Variants in REPS1 observed in about 807,000 individuals in gnomAD.
The protein encoded by REPS1 is RALBP1 associated Eps domain containing 1, also known as ralBP1-associated Eps domain-containing protein 1.
In REPS1, 39 loss-of-function variants were observed where a neutral mutation model predicts 100.9. That is an observed-to-expected ratio of 0.39 (90% CI 0.30 to 0.50). The LOEUF is 0.50. REPS1 is among the 20% of genes least tolerant of loss of function. REPS1 has a pLI of 0.86. For synonymous variants in REPS1, 324 were observed against 340.3 expected (o/e 0.95, Z 0.53); for missense variants, 821 against 968.5 (o/e 0.85, Z 2.02).
At chr6:138,972,234 G>A (rs921508326) in intron 1 of REPS1, among the ~76,000 whole-genome samples, 3 of 152,094 alleles carry the variant, frequency 2.0e-5, no homozygotes, top group East Asian at 1.9e-4. Context: ...AAAGGGGGGC[G>A]GAATAAGCAC....
chr6:138,971,301 T>C (rs1011806405), intron 1 of REPS1, among the ~76,000 whole-genome samples: 5 of 152,182 alleles, frequency 3.3e-5, no homozygotes, highest in Non-Finnish European at 7.4e-5. Flanking sequence ...TAGTACAATC[T>C]GTAATTCTGA....
chr6:138,947,189 T>G (rs1582801504), intron 2 of REPS1, among the ~76,000 whole-genome samples: 1 of 152,196 alleles, frequency 6.6e-6, no homozygotes, highest in African/African-American at 2.4e-5. Flanking sequence ...CTCTTGTTTA[T>G]ACATTACCCA....
rs924130775 is a variant in REPS1 at position 138,924,444 on chromosome 6, A to G, written c.1338+1957T>C. 4.6e-5 allele frequency among the ~76,000 whole-genome samples: 7 copies of G among 152,162 alleles called. No individual in the cohort carries two copies. In the East Asian group the frequency reaches 9.6e-4, roughly 21 times the overall value. ...TAATATCACTGCTACTCAACCAACTATTTCTCTACATTTCCTGTCAGTCGT... is the reference window on the plus strand; with the variant it reads ...TAATATCACTGCTACTCAACCAACTGTTTCTCTACATTTCCTGTCAGTCGT... On this transcript the variant is annotated intron_variant, in intron 10 of 19. Transcript: ENST00000450536.
At chr6:138,942,794 A>G (rs1356118419) in intron 7 of REPS1, among the ~76,000 whole-genome samples, 1 of 152,018 alleles carries the variant, frequency 6.6e-6, no homozygotes, top group Non-Finnish European at 1.5e-5. Flanking sequence ...TCGTTCTGTC[A>G]CCCTGGCTGG....
intron 10 of REPS1, among the ~76,000 whole-genome samples, chr6:138,923,406 C>T (rs1003672290): frequency 6.6e-6 from 1 of 152,100 alleles, no homozygotes; most frequent in East Asian, 1.9e-4. Context: ...TTCTTAGATG[C>T]TTTAATTCAT....
At chr6:138,941,990 T>C (rs1782289564) in intron 7 of REPS1, among the ~76,000 whole-genome samples, 1 of 152,180 alleles carries the variant, frequency 6.6e-6, no homozygotes, top group Admixed American at 6.5e-5. Flanking sequence ...GTGATTCCCT[T>C]GCCTCAGCTT....
rs778144522 is a variant in REPS1 at position 138,981,972 on chromosome 6, AAAGT to A, written c.153+5554_153+5557del. ...GAAACTCAAGAAGACAGAAATTTTA[AAAGT>A]AAATAAATAGGACACTACAGAAACA... On this transcript the variant is annotated intron_variant, in intron 1 of 19. Coordinates refer to ENST00000450536, the MANE Select transcript of REPS1 (RefSeq NM_001286611.2). Among the ~76,000 whole-genome samples the A allele has an allele frequency of 2.6e-5, 4 of 152,366 alleles. No individual in the cohort carries two copies. In the East Asian group the frequency reaches 7.7e-4, roughly 29 times the overall value.
At chr6:138,959,516 T>C (rs891078220) in intron 1 of REPS1, among the ~76,000 whole-genome samples, 2 of 152,332 alleles carry the variant, frequency 1.3e-5, no homozygotes, top group South Asian at 4.1e-4. Flanking sequence ...TTTCAGTCAT[T>C]AATAGGTTAA....
At chr6:138,955,147 C>T (rs564816334) in intron 1 of REPS1, among the ~76,000 whole-genome samples, 86 of 152,146 alleles carry the variant, frequency 5.7e-4, no homozygotes, top group African/African-American at 2.0e-3. Flanking sequence ...ATGGAATATG[C>T]TTTAAATATA....
chr6:138,925,707 A>T (rs1435709470), intron 10 of REPS1, among the ~76,000 whole-genome samples: 1 of 152,138 alleles, frequency 6.6e-6, no homozygotes, highest in East Asian at 1.9e-4. Context: ...AAAAGCAGAG[A>T]AGTGAACAGG....
chr6:138,915,900 A>G lies in REPS1; in HGVS notation c.1678T>C (p.Ser560Pro), dbSNP rs1286593894. The G allele has an allele frequency of 5.6e-6, 9 of 1,613,902 alleles. No homozygotes were observed. In the Admixed American group the frequency reaches 8.3e-5, roughly 15 times the overall value. Residue 560 changes from serine to proline, a missense_variant, in exon 14 of 20, where the codon TCA becomes CCA. Physicochemically the swap from Ser to Pro is moderately conservative, Grantham distance 74. Around this residue, in one of 3 missense-constraint regions of REPS1, gnomAD observed 757 missense variants for 866.4 expected, o/e 0.87. Transcript: ENST00000450536. Reference sequence around the variant, plus strand: ...GTCCGATTCATATCTAAAGATGATGATCTAGAATGAGAGGGCTGTGGCCTT... The same window carrying G: ...GTCCGATTCATATCTAAAGATGATGGTCTAGAATGAGAGGGCTGTGGCCTT... ...PPRPQPSHSR[S>P]SSLDMNRTFT...
intron 1 of REPS1, among the ~76,000 whole-genome samples, chr6:138,971,446 AG>A (rs1282512419): frequency 7.2e-5 from 11 of 151,736 alleles, no homozygotes; most frequent in African/African-American, 2.7e-4. Flanking sequence ...GGAACTCTGT[AG>A]AAGTTTTGCC....
At chr6:138,916,652 T>C (rs1014051700) in intron 13 of REPS1, among the ~76,000 whole-genome samples, 1 of 152,212 alleles carries the variant, frequency 6.6e-6, no homozygotes, top group Non-Finnish European at 1.5e-5. Flanking sequence ...CTTTCAGATA[T>C]GGTTAGCTTT....
Position 138,988,028 on chromosome 6 carries a change from G to T in REPS1, c.-346C>A, listed in dbSNP as rs1044808444. 1.3e-5 allele frequency: 5 copies of T among 396,772 alleles called. No homozygotes were observed. The highest frequency in any genetic ancestry group is 2.2e-5 in the Non-Finnish European group (5 of 224,888). The allele number at this position is 396,772 out of a possible 1,614,324, so 24.6% of individuals were successfully genotyped here. On this transcript the variant is annotated 5_prime_UTR_variant, in exon 1 of 20. Transcript: ENST00000450536. The stretch of plus-strand genomic sequence containing the variant: ...CGAGGCACTGGCGGACTCCGCCCCC[G>T]CCGCGGGTTCGAGTCTCCCCGGCTC...
intron 1 of REPS1, among the ~76,000 whole-genome samples, chr6:138,973,726 A>G (rs1455869225): frequency 5.9e-5 from 9 of 151,970 alleles, no homozygotes; most frequent in African/African-American, 2.2e-4. Context: ...AAATAGAGAT[A>G]ATAAACTGTA....
intron 1 of REPS1, among the ~76,000 whole-genome samples, chr6:138,967,397 AAT>A (rs1784084858): frequency 6.6e-6 from 1 of 152,228 alleles, no homozygotes; most frequent in Admixed American, 6.5e-5. Flanking sequence ...TGGTTATTTA[AAT>A]ATGATTATGA....
chr6:138,935,856 CGG>C (rs1449985583), intron 8 of REPS1, among the ~76,000 whole-genome samples: 553 of 2,188 alleles, frequency 0.25, 58 homozygotes, highest in African/African-American at 0.45. Flanking sequence ...TCCATCTTGG[CGG>C]GGGGGGGGGG....
intron 2 of REPS1, among the ~76,000 whole-genome samples, chr6:138,946,401 C>G (rs1363743361): frequency 2.6e-5 from 4 of 152,148 alleles, no homozygotes; most frequent in African/African-American, 9.7e-5. Flanking sequence ...ATAAGTGATA[C>G]TTTTAGACCA....
chr6:138,987,401 T>G, intron 1 of REPS1, 129 bp downstream of exon 1: 1 of 1,037,902 alleles, frequency 9.6e-7, no homozygotes, highest in Non-Finnish European at 1.3e-6. Flanking sequence ...CTGCGGCCCC[T>G]GCCCGCTGCG....
Sources: gnomAD v4.1 joint callset for allele counts (sites outside exome capture counted in the v4.1 genomes callset) on GRCh38, gnomAD v4.1.1 for gene constraint, gnomAD v4.1.1 regional missense constraint, MANE v1.5 for transcripts, NCBI Gene and HGNC (gene_info 2026-07-23, HGNC 2026-07-21) for gene names.